The following RBBP6 variants were observed in gnomAD, a reference collection of about 807,000 sequenced individuals.
RBBP6 encodes RB binding protein 6, ubiquitin ligase, also known as E3 ubiquitin-protein ligase RBBP6.
Under a neutral mutation model 167.7 loss-of-function variants are expected in RBBP6, and 25 were observed. The ratio of observed to expected loss-of-function variants is 0.15; its 90% CI spans 0.11 to 0.21. The LOEUF is 0.21. Ranked by LOEUF, RBBP6 falls within the 10% of genes least tolerant of loss-of-function variation. The probability of loss-of-function intolerance (pLI) is 1.00; values close to 1 mark genes in which losing one functional copy is unlikely to be tolerated. For synonymous variants in RBBP6, 789 were observed against 735.8 expected, an observed-to-expected ratio of 1.07 and a Z score of -1.17; for missense variants, 1,868 against 2,134.2, an observed-to-expected ratio of 0.88 and a Z score of 2.46.
intron 3 of RBBP6, 199 bp downstream of exon 3, chr16:24,549,180 A>G (rs1319262875): frequency 6.3e-6 from 9 of 1,435,122 alleles, no homozygotes; most frequent in Non-Finnish European, 8.2e-6. Flanking sequence ...GAAATGGGTA[A>G]TTTGTGCCCG....
chr16:24,549,870 C>G (rs1898754615), intron 3 of RBBP6, among the ~76,000 whole-genome samples: 1 of 151,928 alleles, frequency 6.6e-6, no homozygotes, highest in African/African-American at 2.4e-5. Context: ...ACCAGGATAA[C>G]TGGTTTGAAG....
At chr16:24,563,526 A>G (rs1353581916) in intron 12 of RBBP6, 25 bp downstream of exon 12, 1 of 1,611,074 alleles carries the variant, frequency 6.2e-7, no homozygotes, top group South Asian at 1.1e-5. Flanking sequence ...TTTGGTTTAG[A>G]CCTTTTTCCC....
rs759587524 is a variant in RBBP6 at position 24,569,492 on chromosome 16, G to A, written c.2802G>A (p.Lys934=). The A allele has an allele frequency of 5.6e-6, 9 of 1,608,848 alleles. No homozygotes were observed. Among genetic ancestry groups the A allele is most frequent in the Non-Finnish European group, 7.6e-6 (9 of 1,178,812 alleles). Reference sequence around the variant, plus strand: ...GAGATGGTAAAGGAAATAAGCATAAGAAACACAGAAAAAGAAGAAAAGGGG... The same window carrying A: ...GAGATGGTAAAGGAAATAAGCATAAAAAACACAGAAAAAGAAGAAAAGGGG... ...APGDGKGNKH[K]KHRKRRKGEE... Residue 934 remains lysine, a synonymous_variant, in exon 17 of 18, where the codon AAG becomes AAA. Coordinates refer to ENST00000319715, the MANE Select transcript of RBBP6 (RefSeq NM_006910.5).
At position 24,567,267 on chromosome 16, in the gene RBBP6, C is replaced by G; in HGVS notation, c.1714C>G (p.Leu572Val). Residue 572 changes from leucine (L) to valine (V), a missense_variant, in exon 15 of 18, where the codon CTT becomes GTT. Leu to Val is a conservative substitution (Grantham distance 32). This residue lies in a region of RBBP6 where 145 missense variants were observed against 224.3 expected (regional missense o/e 0.65). Transcript: ENST00000319715. ...TTTGTATCCGCCTCCTCCCCATACA[C>G]TTCCTCTCCCTCCGGGTGTTCCTCC... ...PPLYPPPPHT[L>V]PLPPGVPPPQ... The G allele has an allele frequency of 6.2e-7, 1 of 1,614,216 alleles. No individual in the cohort carries two copies. Among genetic ancestry groups the G allele is most frequent in the South Asian group, 1.1e-5 (1 of 91,082 alleles).
rs1052991909 is a variant in RBBP6, at chr16:24,569,679, A to G, written c.2989A>G (p.Thr997Ala). ...TGAACCAATGGATGCAGAATCAATCACTTTTAAATCAGTGTCTGAAAAAGA... is the reference window on the plus strand; with the variant it reads ...TGAACCAATGGATGCAGAATCAATCGCTTTTAAATCAGTGTCTGAAAAAGA... ...RDEPMDAESI[T>A]FKSVSEKDKR... is the part of the protein sequence containing the mutation. The change falls in exon 17 of 18, where the codon ACT (threonine) becomes GCT (alanine). Residue 997 changes from threonine (T) to alanine (A), a missense_variant. Coordinates refer to ENST00000319715, the MANE Select transcript of RBBP6 (RefSeq NM_006910.5). 2 of 1,613,690 alleles carry G rather than the reference A, an allele frequency of 1.2e-6. No homozygotes were observed. The highest frequency in any genetic ancestry group is 3.3e-5 in the Admixed American group (2 of 59,930).
intron 8 of RBBP6, among the ~76,000 whole-genome samples, chr16:24,559,965 TG>T (rs1899007829): frequency 6.6e-6 from 1 of 152,204 alleles, no homozygotes; most frequent in South Asian, 2.1e-4. Flanking sequence ...ATGTTTTAAG[TG>T]GTATCCAGAA....
intron 1 of RBBP6, among the ~76,000 whole-genome samples, chr16:24,542,369 C>T (rs1246795870): frequency 6.6e-6 from 1 of 151,990 alleles, no homozygotes; most frequent in Non-Finnish European, 1.5e-5. Flanking sequence ...GTCATATATT[C>T]AGGTTTCATA....
At chr16:24,548,247 T>C (rs1898709015) in intron 2 of RBBP6, among the ~76,000 whole-genome samples, 1 of 152,152 alleles carries the variant, frequency 6.6e-6, no homozygotes, top group African/African-American at 2.4e-5. Context: ...ACACAGCCAT[T>C]TAAGTCAGTT....
Position 24,570,462 on chromosome 16 carries a change from A to T in RBBP6, c.3772A>T (p.Thr1258Ser), listed in dbSNP as rs1169996145. 1 of 1,599,190 alleles carries T rather than the reference A, an allele frequency of 6.3e-7. No individual in the cohort carries two copies. Among genetic ancestry groups the T allele is most frequent in the Admixed American group, 1.8e-5 (1 of 56,308 alleles). Residue 1258 changes from threonine (T) to serine (S), a missense_variant, in exon 17 of 18, where the codon ACT (threonine) becomes TCT (serine). Transcript: ENST00000319715. The part of the protein sequence containing the change: ...KGKVRRKVTG[T>S]EGSSSTLVDY... ...AAAGGTCAGACGAAAAGTGACTGGA[A>T]CTGAAGGATCCAGCTCAACTCTGGT... is the stretch of plus-strand genomic sequence containing the variant.
chr16:24,543,282 T>G (rs1898549586), intron 1 of RBBP6, among the ~76,000 whole-genome samples: 1 of 148,802 alleles, frequency 6.7e-6, no homozygotes, highest in Non-Finnish European at 1.5e-5. Context: ...CATGTTTAGG[T>G]CCCTTAAATC....
intron 7 of RBBP6, among the ~76,000 whole-genome samples, chr16:24,559,163 C>T (rs1297334824): frequency 6.6e-6 from 1 of 152,048 alleles, no homozygotes; most frequent in African/African-American, 2.4e-5. Flanking sequence ...ATGGTGTTGT[C>T]TAAATTCAAG....
intron 8 of RBBP6, among the ~76,000 whole-genome samples, chr16:24,560,598 A>G (rs1899027060): frequency 6.6e-6 from 1 of 152,226 alleles, no homozygotes; most frequent in Non-Finnish European, 1.5e-5. Flanking sequence ...TTTGAAATAT[A>G]CAGTCCTCAT....
intron 16 of RBBP6, 92 bp from the exon 17 acceptor site, chr16:24,568,653 A>C: frequency 1.4e-6 from 2 of 1,456,098 alleles, no homozygotes. Context: ...AGATAGATGA[A>C]ACCGTGAGGA....
chr16:24,564,756 A>G (rs771835648), intron 13 of RBBP6, 41 bp from the exon 14 acceptor site: 11 of 1,604,316 alleles, frequency 6.9e-6, no homozygotes, highest in Middle Eastern at 1.7e-4. Context: ...TATTATACCC[A>G]TGGAGAAATA....
chr16:24,551,538 A>G, intron 3 of RBBP6, among the ~76,000 whole-genome samples: 1 of 151,826 alleles, frequency 6.6e-6, no homozygotes, highest in East Asian at 1.9e-4. Flanking sequence ...AAGGTGATTT[A>G]GGTGCAGTTG....
intron 4 of RBBP6, 50 bp from the exon 5 acceptor site, chr16:24,555,565 G>A (rs377444653): frequency 3.0e-5 from 42 of 1,401,706 alleles, no homozygotes; most frequent in Non-Finnish European, 4.0e-5. Context: ...TGGCTGTGTG[G>A]TCTTAAATGT....
intron 12 of RBBP6, 44 bp from the exon 13 acceptor site, chr16:24,563,566 G>T (rs1899122132): frequency 6.2e-7 from 1 of 1,610,326 alleles, no homozygotes; most frequent in South Asian, 1.1e-5. Context: ...TTGATTTAAT[G>T]TGCAATTTTG....
Position 24,540,487 on chromosome 16 carries a change from G to A in RBBP6, c.-140G>A, listed in dbSNP as rs552601340. On this transcript the variant is annotated 5_prime_UTR_variant, in exon 1 of 18. Transcript: ENST00000319715. ...GACGAACCCCTGCTTGTGGTTGGGG[G>A]GTATTTAATCTGAGGCCTTAGGGTC... 4.1e-6 allele frequency: 3 copies of A among 727,406 alleles called. No homozygotes were observed. The highest frequency in any genetic ancestry group is 6.4e-6 in the Non-Finnish European group (3 of 465,858). 45.1% of individuals were successfully genotyped at this position (727,406 alleles called of 1,614,324 possible). A position where few individuals can be genotyped will look rare whatever the true frequency, so the allele number is the denominator to read the frequency against.
rs140093349 is a variant in RBBP6 at position 24,570,879 on chromosome 16, G to A, written c.3813G>A (p.Thr1271=). The A allele has an allele frequency of 1.7e-5, 25 of 1,470,014 alleles. No homozygotes were observed. Among genetic ancestry groups the A allele is most frequent in the Admixed American group, 1.4e-4 (6 of 43,672 alleles). 91.1% of individuals were successfully genotyped at this position (1,470,014 alleles called of 1,614,324 possible). A position where few individuals can be genotyped will look rare whatever the true frequency, so the allele number is the denominator to read the frequency against. Residue 1271 remains threonine (T), a synonymous_variant, in exon 18 of 18, where the codon ACG becomes ACA. Transcript: ENST00000319715. ...SSSTLVDYTS[T]SSTGGSPVRK... ...AATATTTTGTTATTCTTTTTAGTAC[G>A]AGCTCAACTGGAGGCAGTCCTGTGC...
Sources: gnomAD v4.1 joint callset for allele counts (sites outside exome capture counted in the v4.1 genomes callset) on GRCh38, gnomAD v4.1.1 for gene constraint, gnomAD v4.1.1 regional missense constraint, MANE v1.5 for transcripts, NCBI Gene and HGNC (gene_info 2026-07-23, HGNC 2026-07-21) for gene names.